KCNAB2: variants seen among roughly 807,000 people sequenced by gnomAD.
KCNAB2 encodes the protein potassium voltage-gated channel subfamily A regulatory beta subunit 2.
KCNAB2 carries 29 observed loss-of-function variants against 63.6 expected under a neutral mutation model. The observed-to-expected ratio is 0.46, with a 90% CI of 0.34 to 0.62. KCNAB2 has a LOEUF of 0.62. Ranked by LOEUF, KCNAB2 falls within the 20% of genes least tolerant of loss-of-function variation. The pLI, the probability that KCNAB2 is intolerant of heterozygous loss-of-function variation, is 0.01. For synonymous variants in KCNAB2, 222 were observed against 224.2 expected, an observed-to-expected ratio of 0.99 and a Z score of 0.09; for missense variants, 359 against 563.9, an observed-to-expected ratio of 0.64 and a Z score of 3.68.
chr1:6,053,047 ATTGT>A (rs1661524219), intron 2 of KCNAB2, among the ~76,000 whole-genome samples: 3 of 151,994 alleles, frequency 2.0e-5, no homozygotes, highest in African/African-American at 7.3e-5. Flanking sequence ...CCTTCAGCCC[ATTGT>A]TTGAATATGT....
chr1:6,027,695 G>A (rs895762692), intron 1 of KCNAB2, among the ~76,000 whole-genome samples: 8 of 152,202 alleles, frequency 5.3e-5, no homozygotes, highest in African/African-American at 1.9e-4. Context: ...TGATCTTCTT[G>A]AAAATTGTTA....
At chr1:6,094,189 C>T (rs1665423945) in intron 10 of KCNAB2, among the ~76,000 whole-genome samples, 1 of 152,176 alleles carries the variant, frequency 6.6e-6, no homozygotes, top group Non-Finnish European at 1.5e-5. Flanking sequence ...GTTTTCACGA[C>T]CAACTTCTAG....
chr1:6,038,077 C>T (rs1404493367), intron 1 of KCNAB2, among the ~76,000 whole-genome samples: 3 of 151,800 alleles, frequency 2.0e-5, no homozygotes, highest in Admixed American at 6.6e-5. Context: ...CGGGGTTTCA[C>T]TGTGTTAGCC....
chr1:6,100,105 C>G lies in KCNAB2; in HGVS notation c.*1531C>G, dbSNP rs1665933922. 2.8e-6 allele frequency: 4 copies of G among 1,446,466 alleles called. No individual in the cohort carries two copies. Among genetic ancestry groups the G allele is most frequent in the Non-Finnish European group, 3.6e-6 (4 of 1,097,394 alleles). 89.6% of individuals were successfully genotyped at this position (1,446,466 alleles called of 1,614,324 possible). ...TCCCGCTTTGCCCCTGGAGGAGCCACTATTCCAGAAGGCTCCACCCTGCCG... is the reference window on the plus strand; with the variant it reads ...TCCCGCTTTGCCCCTGGAGGAGCCAGTATTCCAGAAGGCTCCACCCTGCCG... On this transcript the variant is annotated 3_prime_UTR_variant, in exon 16 of 16. Transcript: ENST00000378083.
chr1:6,013,955 T>A (rs1194628112), intron 1 of KCNAB2, among the ~76,000 whole-genome samples: 2 of 152,170 alleles, frequency 1.3e-5, no homozygotes, highest in African/African-American at 4.8e-5. Flanking sequence ...GAGGGTGGAC[T>A]CCCAGAACTG....
rs1665894597 is a variant in KCNAB2 at position 6,099,526 on chromosome 1, AG to A, written c.*956del. On this transcript the variant is annotated 3_prime_UTR_variant, in exon 16 of 16. Coordinates refer to ENST00000378083, the MANE Select transcript of KCNAB2 (RefSeq NM_001199862.2). ...TGGCCACACCACGGCAAGTGGCAGCAGGGGCCGGCCCTGTGCACAAGGATGC... is the reference window on the plus strand; with the variant it reads ...TGGCCACACCACGGCAAGTGGCAGCAGGGCCGGCCCTGTGCACAAGGATGC... The A allele has an allele frequency of 2.8e-6, 1 of 361,152 alleles. No homozygotes were observed. The highest frequency in any genetic ancestry group is 4.3e-5 in the Admixed American group (1 of 23,022). 22.4% of individuals were successfully genotyped at this position (361,152 alleles called of 1,614,324 possible). A position where few individuals can be genotyped will look rare whatever the true frequency, so the allele number is the denominator to read the frequency against.
At chr1:6,085,596 C>T in intron 6 of KCNAB2, 3 of 228,220 alleles carry the variant, frequency 1.3e-5, no homozygotes, top group South Asian at 1.4e-4. Context: ...CAAAGGCGTG[C>T]TGCTACAGAA....
At chr1:6,079,296 G>T (rs1055835599) in intron 4 of KCNAB2, among the ~76,000 whole-genome samples, 5 of 152,262 alleles carry the variant, frequency 3.3e-5, no homozygotes, top group African/African-American at 1.2e-4. Context: ...GAGGCGGGCA[G>T]ATCACTTGAG....
At chr1:6,031,880 C>A (rs546188810), upstream of KCNAB2, among the ~76,000 whole-genome samples, 3 of 152,058 alleles carry the variant, frequency 2.0e-5, no homozygotes, top group Non-Finnish European at 4.4e-5. This position sits in a 1 kb window ranked among gnomAD's most constrained non-coding sequence, Gnocchi z 4.1. Context: ...CAAAGCAAGA[C>A]CCTGTCTCAA....
chr1:6,040,449 C>T (rs981856350), intron 1 of KCNAB2: 16 of 856,454 alleles, frequency 1.9e-5, no homozygotes, highest in African/African-American at 1.2e-4. Context: ...CAGAGTCTCC[C>T]GGCCAAACCT....
Position 6,096,832 on chromosome 1 carries a change from G to A in KCNAB2, c.1069+76G>A. On this transcript the variant is annotated intron_variant, in intron 14 of 15. Transcript: ENST00000378083. This position sits in a 1 kb window ranked among gnomAD's most constrained non-coding sequence, Gnocchi z 5.9. Reference sequence around the variant, plus strand: ...AGCTGGCCGTAGGTAACAGGGTGGGGTTGCCATGGGGCCAGTGTCTCCGGG... The same window carrying A: ...AGCTGGCCGTAGGTAACAGGGTGGGATTGCCATGGGGCCAGTGTCTCCGGG... 3 of 1,458,972 alleles carry A rather than the reference G, an allele frequency of 2.1e-6. No homozygotes were observed. Among genetic ancestry groups the A allele is most frequent in the Non-Finnish European group, 2.7e-6 (3 of 1,095,182 alleles). 90.4% of individuals were successfully genotyped at this position (1,458,972 alleles called of 1,614,324 possible).
chr1:6,040,405 T>C (rs372765315), intron 1 of KCNAB2: 23 of 655,618 alleles, frequency 3.5e-5, no homozygotes, highest in East Asian at 3.3e-4. Context: ...CCCGATGCCC[T>C]GAACCCAGAC....
chr1:6,094,551 C>A, intron 11 of KCNAB2, 66 bp downstream of exon 11: 2 of 1,344,712 alleles, frequency 1.5e-6, no homozygotes, highest in Non-Finnish European at 1.0e-6. Flanking sequence ...CGTATGGAGA[C>A]CCCAAAGCTC....
At chr1:6,090,350 G>C in intron 8 of KCNAB2, 39 bp from the exon 9 acceptor site, 1 of 1,465,932 alleles carries the variant, frequency 6.8e-7, no homozygotes, top group Non-Finnish European at 9.5e-7. Flanking sequence ...TGGAGATGGA[G>C]CCACAGCAGT....
At chr1:5,998,477 C>T (rs953882994) in intron 1 of KCNAB2, among the ~76,000 whole-genome samples, 5 of 152,132 alleles carry the variant, frequency 3.3e-5, no homozygotes, top group Non-Finnish European at 5.9e-5. Context: ...AGAGGTGGGA[C>T]CTGGAGGTGA....
intron 2 of KCNAB2, among the ~76,000 whole-genome samples, chr1:6,062,274 A>G (rs933055526): frequency 6.6e-6 from 1 of 151,330 alleles, no homozygotes; most frequent in Non-Finnish European, 1.5e-5. Context: ...AGATTGCACC[A>G]TTGCTCTCCA....
At chr1:6,012,277 C>G (rs140869114) in intron 1 of KCNAB2, among the ~76,000 whole-genome samples, 2 of 53,654 alleles carry the variant, frequency 3.7e-5, no homozygotes, top group Non-Finnish European at 7.2e-5. Context: ...GAGATGGAGG[C>G]AGTGGTGGAG....
In KCNAB2 at chr1:6,040,794, C is replaced by A; in HGVS notation, c.77+149C>A. ...GCCTTCCACGGGGTTTTGAGGTGCA[C>A]GCTGGTGAGCGTTTTCTCCAAGAAA... On this transcript the variant is annotated intron_variant, in intron 2 of 15. Transcript: ENST00000164247. 1.2e-5 allele frequency: 7 copies of A among 590,540 alleles called. No individual in the cohort carries two copies. In the South Asian group the frequency reaches 1.3e-4, roughly 11 times the overall value. The allele number at this position is 590,540 out of a possible 1,614,324, so 36.6% of individuals were successfully genotyped here. A position where few individuals can be genotyped will look rare whatever the true frequency, so the allele number is the denominator to read the frequency against.
chr1:6,089,160 C>A, intron 8 of KCNAB2, 109 bp downstream of exon 8: 1 of 1,203,888 alleles, frequency 8.3e-7, no homozygotes, highest in Admixed American at 2.0e-5. Flanking sequence ...CCACTGAGGG[C>A]CCAATCCCGG....
Sources: gnomAD v4.1 joint callset for allele counts (sites outside exome capture counted in the v4.1 genomes callset) on GRCh38, gnomAD v4.1.1 for gene constraint, Gnocchi (gnomAD v3.1) non-coding constraint, MANE v1.5 for transcripts, NCBI Gene and HGNC (gene_info 2026-07-23, HGNC 2026-07-21) for gene names.